Variants in UGT2B11 observed in about 807,000 individuals in gnomAD.
UGT2B11 encodes UDP-glucuronosyltransferase 2B11.
UGT2B11 carries 49 observed loss-of-function variants against 51.7 expected under a neutral mutation model. That is an observed-to-expected ratio of 0.95 (90% CI 0.75 to 1.20). The LOEUF (loss-of-function observed/expected upper bound fraction) is 1.20, where lower values mean the gene tolerates loss of function less well. UGT2B11 is among the 50% of genes most tolerant of loss of function. The pLI, the probability that UGT2B11 is intolerant of heterozygous loss-of-function variation, is 0.00. For missense variants in UGT2B11, 810 were observed against 622.1 expected (o/e 1.30, Z -3.21); for synonymous variants, 273 against 209.0 (o/e 1.31, Z -2.64).
chr4:69,204,251 T>C (rs535648912), intron 5 of UGT2B11, 179 bp downstream of exon 5: 5 of 1,004,408 alleles, frequency 5.0e-6, no homozygotes, highest in East Asian at 5.4e-5. Context: ...ATTAGATGTA[T>C]GGGATTCAAA....
At chr4:69,219,993 A>G in the UGT2B11 span, among the ~76,000 whole-genome samples, 1 of 152,194 alleles carries the variant, frequency 6.6e-6, no homozygotes, top group Non-Finnish European at 1.5e-5. Flanking sequence ...AGATAAGGCA[A>G]GTCCTTTTTG....
intron 4 of UGT2B11, among the ~76,000 whole-genome samples, chr4:69,205,056 C>A (rs1358166302): frequency 6.6e-6 from 1 of 151,608 alleles, no homozygotes; most frequent in Admixed American, 6.6e-5. Context: ...CACACTTCAT[C>A]ATGAAATGTG....
At chr4:69,208,262 C>G in intron 3 of UGT2B11, 89 bp downstream of exon 3, 1 of 1,579,944 alleles carries the variant, frequency 6.3e-7, no homozygotes, top group Admixed American at 2.0e-5. Flanking sequence ...AAAGAGTTCA[C>G]TCTACTCTTA....
intron 3 of UGT2B11, among the ~76,000 whole-genome samples, chr4:69,207,448 A>G (rs1692507835): frequency 6.6e-6 from 1 of 151,650 alleles, no homozygotes; most frequent in Non-Finnish European, 1.5e-5. Flanking sequence ...GGTTTACTCT[A>G]TACAGAAGAA....
chr4:69,215,843 C>T (rs1360970884), upstream of UGT2B11: 1 of 150,850 alleles, frequency 6.6e-6, no homozygotes, highest in Non-Finnish European at 1.5e-5. Flanking sequence ...TCCAACAGAC[C>T]CAAAAAAGGA....
intron 5 of UGT2B11, among the ~76,000 whole-genome samples, chr4:69,202,064 C>T (rs1240544200): frequency 2.6e-5 from 4 of 151,756 alleles, no homozygotes; most frequent in South Asian, 2.1e-4. Flanking sequence ...AATTGAATTA[C>T]ATAATACGTA....
chr4:69,213,909 C>T (rs1722164598), intron 1 of UGT2B11, 93 bp downstream of exon 1: 5 of 1,438,338 alleles, frequency 3.5e-6, no homozygotes, highest in Non-Finnish European at 3.7e-6. Context: ...TTACCAAAAA[C>T]TCCACTTCCC....
the UGT2B11 span, among the ~76,000 whole-genome samples, chr4:69,221,879 T>A: frequency 6.6e-6 from 1 of 152,238 alleles, no homozygotes; most frequent in South Asian, 2.1e-4. Flanking sequence ...CTGAATCATC[T>A]GGGTGGGTGC....
At chr4:69,206,684 G>T (rs1721870811) in intron 3 of UGT2B11, among the ~76,000 whole-genome samples, 1 of 151,488 alleles carries the variant, frequency 6.6e-6, no homozygotes, top group Non-Finnish European at 1.5e-5. Context: ...CAAAAAAAGT[G>T]TAAAAAATTA....
chr4:69,200,334 T>TTTTTTTTTTAAAA lies in UGT2B11; in HGVS notation c.*105_*106insTTTTAAAAAAAAA. On this transcript the variant is annotated 3_prime_UTR_variant, in exon 6 of 6. Coordinates refer to ENST00000446444, the MANE Select transcript of UGT2B11 (RefSeq NM_001073.3). ...AAAATTTTTTTTTTTTTTTTTTTTT[T>TTTTTTTTTTAAAA]GTCACAGGAAGAAAGAAATCTTGCA... 8 of 1,086,968 alleles carry TTTTTTTTTTAAAA rather than the reference T, an allele frequency of 7.4e-6. No individual in the cohort carries two copies. Among genetic ancestry groups the TTTTTTTTTTAAAA allele is most frequent in the African/African-American group, 1.9e-5 (1 of 53,894 alleles). The allele number at this position is 1,086,968 out of a possible 1,614,324, so 67.3% of individuals were successfully genotyped here.
At chr4:69,208,858 A>T (rs1424440442) in intron 2 of UGT2B11, among the ~76,000 whole-genome samples, 2 of 151,546 alleles carry the variant, frequency 1.3e-5, no homozygotes, top group South Asian at 2.1e-4. Context: ...CTTTAATCCT[A>T]TGTTTTTGTT....
At chr4:69,221,224 T>C in the UGT2B11 span, among the ~76,000 whole-genome samples, 1 of 152,246 alleles carries the variant, frequency 6.6e-6, no homozygotes, top group Non-Finnish European at 1.5e-5. Context: ...AGGTGAAACC[T>C]GAGGTCTTGC....
At position 69,205,342 on chromosome 4, in the gene UGT2B11, C is replaced by T. The variant is rs560488106; in HGVS notation, c.1090+138G>A. 5.7e-4 allele frequency: 654 copies of T among 1,146,274 alleles called. 2 individuals carry two copies. Among genetic ancestry groups the T allele is most frequent in the Non-Finnish European group, 7.4e-4 (604 of 814,502 alleles). 71.0% of individuals were successfully genotyped at this position (1,146,274 alleles called of 1,614,324 possible). ...AAAATGCCAACAATTCTACCATATT[C>T]TTTTCCCCTAGGACTGGAAAATAAA... On this transcript the variant is annotated intron_variant, in intron 4 of 5. Coordinates refer to ENST00000446444, the MANE Select transcript of UGT2B11 (RefSeq NM_001073.3).
chr4:69,210,823 C>T (rs929646323), intron 2 of UGT2B11, among the ~76,000 whole-genome samples: 15 of 151,618 alleles, frequency 9.9e-5, no homozygotes, highest in Non-Finnish European at 2.1e-4. Flanking sequence ...TAAGCAAAAA[C>T]GTTCTTTTAA....
chr4:69,208,129 C>T lies in UGT2B11; in HGVS notation c.1002+222G>A, dbSNP rs530775986. 7.3e-5 allele frequency among the ~76,000 whole-genome samples: 11 copies of T among 151,574 alleles called. No individual in the cohort carries two copies. In the South Asian group the frequency reaches 1.7e-3, roughly 23 times the overall value. On this transcript the variant is annotated intron_variant, in intron 3 of 5. Coordinates refer to ENST00000446444, the MANE Select transcript of UGT2B11 (RefSeq NM_001073.3). ...GAGTTCCCACTGATACTAATAGGAG[C>T]CACTCATGAATACCAAGGGTAGTAA...
intron 3 of UGT2B11, 128 bp downstream of exon 3, chr4:69,208,223 T>G (rs1252047884): frequency 6.6e-7 from 1 of 1,520,482 alleles, no homozygotes; most frequent in Non-Finnish European, 8.8e-7. Flanking sequence ...GGAAGCAACA[T>G]AAGCATATTT....
intron 2 of UGT2B11, among the ~76,000 whole-genome samples, chr4:69,210,015 C>T (rs575912636): frequency 1.3e-5 from 2 of 151,138 alleles, no homozygotes; most frequent in Admixed American, 6.6e-5. Context: ...TGGATTTTGT[C>T]CTATTTATAT....
chr4:69,217,849 A>G (rs1321111793), upstream of UGT2B11, among the ~76,000 whole-genome samples: 1 of 152,062 alleles, frequency 6.6e-6, no homozygotes, highest in Non-Finnish European at 1.5e-5. Flanking sequence ...AATTTTCACA[A>G]TCAAGATGCT....
intron 3 of UGT2B11, among the ~76,000 whole-genome samples, chr4:69,205,871 A>G (rs1221243973): frequency 6.6e-6 from 1 of 151,824 alleles, no homozygotes; most frequent in African/African-American, 2.4e-5. Context: ...CATCATATGA[A>G]GAAAAATAAC....
Sources: allele counts gnomAD v4.1 joint callset (sites outside exome capture counted in the v4.1 genomes callset), GRCh38; gene constraint gnomAD v4.1.1; transcripts MANE v1.5; gene names NCBI Gene and HGNC (gene_info 2026-07-23, HGNC 2026-07-21).